Variants in CTNNA2 observed in about 807,000 individuals in gnomAD.
CTNNA2 encodes catenin alpha-2.
Under a neutral mutation model 101.0 loss-of-function variants are expected in CTNNA2, and 42 were observed. The ratio of observed to expected loss-of-function variants is 0.42; its 90% CI spans 0.32 to 0.54. CTNNA2 has a LOEUF of 0.54. Ranked by LOEUF, CTNNA2 falls within the 20% of genes least tolerant of loss-of-function variation. The pLI is 0.14. For missense variants in CTNNA2, 871 were observed against 1,223.1 expected (o/e 0.71, Z 4.29); for synonymous variants, 450 against 456.4 (o/e 0.99, Z 0.18).
chr2:79,669,641 GTC>G (rs1379288700), intron 2 of CTNNA2, among the ~76,000 whole-genome samples: 1 of 152,188 alleles, frequency 6.6e-6, no homozygotes, highest in Non-Finnish European at 1.5e-5. Context: ...TCATTTGGAT[GTC>G]TCTGCAGGTC....
At chr2:80,023,611 C>T (rs976269300) in intron 7 of CTNNA2, among the ~76,000 whole-genome samples, 5 of 152,134 alleles carry the variant, frequency 3.3e-5, no homozygotes, top group Admixed American at 1.3e-4. Context: ...TTCCTAATAA[C>T]ATATAATCAG....
intron 3 of CTNNA2, among the ~76,000 whole-genome samples, chr2:79,838,906 A>G (rs1679593085): frequency 6.6e-6 from 1 of 152,112 alleles, no homozygotes; most frequent in Non-Finnish European, 1.5e-5. Flanking sequence ...AGAAAATACT[A>G]CTACAACTGT....
intron 7 of CTNNA2, among the ~76,000 whole-genome samples, chr2:80,349,468 A>T (rs1246886183): frequency 6.6e-6 from 1 of 152,136 alleles, no homozygotes; most frequent in Non-Finnish European, 1.5e-5. Flanking sequence ...CTGGTAGGGG[A>T]GTTCTGGCCC....
intron 7 of CTNNA2, among the ~76,000 whole-genome samples, chr2:80,101,542 C>A (rs1700545849): frequency 6.6e-6 from 1 of 152,156 alleles, no homozygotes; most frequent in Non-Finnish European, 1.5e-5. Context: ...TGCGTGATAG[C>A]CTAATCCCAA....
intron 2 of CTNNA2, among the ~76,000 whole-genome samples, chr2:79,234,211 C>T (rs1674529614): frequency 6.6e-6 from 1 of 151,836 alleles, no homozygotes; most frequent in South Asian, 2.1e-4. Flanking sequence ...CCTTTCAGGA[C>T]CTCTTGTAAG....
chr2:79,603,546 T>C (rs1274491517), intron 1 of CTNNA2, among the ~76,000 whole-genome samples: 3 of 151,758 alleles, frequency 2.0e-5, no homozygotes, highest in Admixed American at 2.0e-4. Context: ...ATAGTAATAA[T>C]GGAAGCAATC....
intron 7 of CTNNA2, among the ~76,000 whole-genome samples, chr2:80,103,684 A>C (rs1700695191): frequency 6.6e-6 from 1 of 152,212 alleles, no homozygotes; most frequent in East Asian, 1.9e-4. Context: ...AGTTCTACAC[A>C]GTCCCAGTGT....
intron 6 of CTNNA2, among the ~76,000 whole-genome samples, chr2:79,900,571 G>C (rs926760334): frequency 2.6e-5 from 4 of 152,082 alleles, no homozygotes. Flanking sequence ...CTATGGCATC[G>C]GTACCTGCGA....
chr2:80,610,506 CTTCT>C (rs1396667982), intron 17 of CTNNA2, among the ~76,000 whole-genome samples: 1 of 151,530 alleles, frequency 6.6e-6, no homozygotes, highest in Non-Finnish European at 1.5e-5. Flanking sequence ...ATACTTAAAT[CTTCT>C]TTCTTTTTTC....
chr2:80,478,476 CA>C (rs1202779692), intron 9 of CTNNA2, among the ~76,000 whole-genome samples: 1 of 152,036 alleles, frequency 6.6e-6, no homozygotes, highest in Non-Finnish European at 1.5e-5. Context: ...GGCCAATGAC[CA>C]GAAGAGTTTT....
chr2:80,411,541 A>G (rs911686597), intron 8 of CTNNA2, among the ~76,000 whole-genome samples: 2 of 152,132 alleles, frequency 1.3e-5, no homozygotes, highest in Non-Finnish European at 2.9e-5. Flanking sequence ...CCTTGTATAT[A>G]TACTTTACTC....
intron 3 of CTNNA2, among the ~76,000 whole-genome samples, chr2:79,844,169 C>T (rs184135786): frequency 6.6e-6 from 1 of 152,264 alleles, no homozygotes; most frequent in Non-Finnish European, 1.5e-5. Flanking sequence ...GAATGGGGCT[C>T]CCTTTTCTTG....
Position 79,449,850 on chromosome 2 carries a change from TGG to T in CTNNA2, c.-134-55201_-134-55200del, listed in dbSNP as rs199648784. Reference sequence around the variant, plus strand: ...GTCAGATCCTTTATGGGTAAATGTGTGGGGTCACACTCAAAATATATGGATAC... The same window carrying T: ...GTCAGATCCTTTATGGGTAAATGTGTGGTCACACTCAAAATATATGGATAC... On this transcript the variant is annotated intron_variant, in intron 4 of 21. Transcript: ENST00000466387. Among the ~76,000 whole-genome samples, 19 of 152,110 alleles carry T rather than the reference TGG, an allele frequency of 1.2e-4. 1 individual carries two copies. In the East Asian group the frequency reaches 3.5e-3, roughly 28 times the overall value.
At chr2:79,658,211 T>C (rs375261054) in intron 2 of CTNNA2, among the ~76,000 whole-genome samples, 1 of 152,130 alleles carries the variant, frequency 6.6e-6, no homozygotes, top group East Asian at 1.9e-4. Flanking sequence ...GCATAGGCTT[T>C]AGAGTCAGAG....
chr2:80,507,380 C>T (rs1382788608), intron 9 of CTNNA2, among the ~76,000 whole-genome samples: 2 of 152,092 alleles, frequency 1.3e-5, no homozygotes, highest in Non-Finnish European at 2.9e-5. Flanking sequence ...GTGAAATGCT[C>T]CCCACATAGT....
At chr2:79,735,558 A>G (rs1310545349) in intron 2 of CTNNA2, among the ~76,000 whole-genome samples, 1 of 152,176 alleles carries the variant, frequency 6.6e-6, no homozygotes, top group African/African-American at 2.4e-5. Flanking sequence ...TCTGAATTCT[A>G]CTTGCTATTA....
chr2:80,523,198 A>T (rs1689724878), intron 9 of CTNNA2, among the ~76,000 whole-genome samples: 1 of 152,212 alleles, frequency 6.6e-6, no homozygotes, highest in Non-Finnish European at 1.5e-5. Context: ...ACTTGTAGCA[A>T]TCTTGAACAT....
At chr2:79,941,026 G>T (rs1688123726) in intron 7 of CTNNA2, among the ~76,000 whole-genome samples, 1 of 152,182 alleles carries the variant, frequency 6.6e-6, no homozygotes, top group Non-Finnish European at 1.5e-5. Context: ...GAAGCCACAA[G>T]AAGCCTACTG....
intron 1 of CTNNA2, among the ~76,000 whole-genome samples, chr2:79,625,112 A>G (rs1679224401): frequency 6.6e-6 from 1 of 152,140 alleles, no homozygotes; most frequent in Admixed American, 6.6e-5. Context: ...TTTTTCCATA[A>G]TTTTTTGAAT....
Sources: allele counts gnomAD v4.1 joint callset (sites outside exome capture counted in the v4.1 genomes callset), GRCh38; gene constraint gnomAD v4.1.1; transcripts MANE v1.5; gene names NCBI Gene and HGNC (gene_info 2026-07-23, HGNC 2026-07-21).